CGNL1: variants seen among roughly 807,000 people sequenced by gnomAD.
The protein encoded by CGNL1 is cingulin-like protein 1.
CGNL1 carries 132 observed loss-of-function variants against 141.2 expected under a neutral mutation model. The ratio of observed to expected loss-of-function variants is 0.93; its 90% CI spans 0.81 to 1.08. The LOEUF (loss-of-function observed/expected upper bound fraction) is 1.08, where lower values mean the gene tolerates loss of function less well. Ranked by LOEUF, CGNL1 falls within the 50% of genes least tolerant of loss-of-function variation. CGNL1 has a pLI of 0.00. For missense variants in CGNL1, 1,870 were observed against 1,588.6 expected, an observed-to-expected ratio of 1.18 and a Z score of -3.01; for synonymous variants, 690 against 622.1, an observed-to-expected ratio of 1.11 and a Z score of -1.63.
intron 8 of CGNL1, among the ~76,000 whole-genome samples, chr15:57,482,643 T>G (rs2063739414): frequency 6.6e-6 from 1 of 152,240 alleles, no homozygotes; most frequent in Non-Finnish European, 1.5e-5. Context: ...TTGACCTGTG[T>G]GTCTATCCCT....
intron 6 of CGNL1, among the ~76,000 whole-genome samples, chr15:57,452,653 C>G (rs890912524): frequency 6.6e-6 from 1 of 151,822 alleles, no homozygotes; most frequent in Non-Finnish European, 1.5e-5. Flanking sequence ...ACGTGGCCCC[C>G]GTGAGCTCTC....
chr15:57,439,669 T>G, intron 2 of CGNL1, 68 bp downstream of exon 2: 1 of 1,457,832 alleles, frequency 6.9e-7, no homozygotes, highest in Admixed American at 1.9e-5. Flanking sequence ...GATGTACTTA[T>G]GCTGCAGGAG....
Position 57,434,512 on chromosome 15 carries a change from T to G in CGNL1, c.-15-3473T>G, listed in dbSNP as rs575338578. ...CATGAATTTCCAAATTGAAAGAATA[T>G]ATATATTATGTGCTCATGTTTTATA... On this transcript the variant is annotated intron_variant, in intron 1 of 18. Transcript: ENST00000281282. Among the ~76,000 whole-genome samples, 331 of 152,248 alleles carry G rather than the reference T, an allele frequency of 2.2e-3. 2 individuals are homozygous for G. Among genetic ancestry groups the G allele is most frequent in the Middle Eastern group, 0.017 (5 of 292 alleles).
At chr15:57,418,638 AC>A (rs1176038684) in intron 1 of CGNL1, among the ~76,000 whole-genome samples, 1 of 151,984 alleles carries the variant, frequency 6.6e-6, no homozygotes, top group Non-Finnish European at 1.5e-5. Context: ...TCATAATCAC[AC>A]CCTACCTTGT....
intron 8 of CGNL1, among the ~76,000 whole-genome samples, chr15:57,489,506 T>G (rs2063829281): frequency 6.6e-6 from 1 of 152,204 alleles, no homozygotes; most frequent in South Asian, 2.1e-4. Flanking sequence ...ACATGCAGAT[T>G]TAAGCTTTAC....
intron 1 of CGNL1, among the ~76,000 whole-genome samples, chr15:57,424,419 A>C (rs1332124757): frequency 6.6e-6 from 1 of 152,034 alleles, no homozygotes; most frequent in African/African-American, 2.4e-5. Context: ...CACTCTCCCT[A>C]CCAGAGTGTG....
intron 8 of CGNL1, among the ~76,000 whole-genome samples, chr15:57,470,835 G>A (rs2063572735): frequency 6.6e-6 from 1 of 152,120 alleles, no homozygotes; most frequent in African/African-American, 2.4e-5. Context: ...ATTAGGAGAG[G>A]TTTATTGCTT....
At chr15:57,420,739 G>T (rs1428772821) in intron 1 of CGNL1, among the ~76,000 whole-genome samples, 1 of 152,178 alleles carries the variant, frequency 6.6e-6, no homozygotes, top group African/African-American at 2.4e-5. Flanking sequence ...TTTTAATGCA[G>T]TTAGATTCTT....
At chr15:57,462,587 A>C (rs1235008063) in intron 8 of CGNL1, among the ~76,000 whole-genome samples, 1 of 152,018 alleles carries the variant, frequency 6.6e-6, no homozygotes, top group Non-Finnish European at 1.5e-5. Context: ...CAGATTATAA[A>C]ATTTTCAGAG....
intron 1 of CGNL1, among the ~76,000 whole-genome samples, chr15:57,392,839 T>A (rs1366899704): frequency 1.1e-4 from 16 of 152,178 alleles, no homozygotes. Context: ...CATTTTTTTT[T>A]AAAGGAAAAA....
In CGNL1 at chr15:57,548,700, A is replaced by G. The variant is rs2032987800; in HGVS notation, c.*1210A>G. 1 of 152,150 alleles carries G rather than the reference A, an allele frequency of 6.6e-6. No homozygotes were observed. Among genetic ancestry groups the G allele is most frequent in the Non-Finnish European group, 1.5e-5 (1 of 68,066 alleles). 9.4% of individuals were successfully genotyped at this position (152,150 alleles called of 1,614,324 possible). A position where few individuals can be genotyped will look rare whatever the true frequency, so the allele number is the denominator to read the frequency against. ...AACAAATGAGGCCGTTTCTGGAAGG[A>G]TAGGGCTGTGTGGTCATGTCCCACA... On this transcript the variant is annotated 3_prime_UTR_variant, in exon 19 of 19. Transcript: ENST00000281282.
chr15:57,444,909 G>A (rs540484463), intron 4 of CGNL1, among the ~76,000 whole-genome samples: 9 of 152,268 alleles, frequency 5.9e-5, no homozygotes, highest in Non-Finnish European at 1.3e-4. Context: ...GTTTGTGAAA[G>A]TTTATTCCTT....
chr15:57,383,298 T>TTTTTTTTTTG lies in CGNL1; in HGVS notation c.-16+6738_-16+6739insTTGTTTTTTT, dbSNP rs1555428834. On this transcript the variant is annotated intron_variant, in intron 1 of 18. Transcript: ENST00000281282. ...ACTTAAGATTTCTTTCTTCCTTTTT[T>TTTTTTTTTTG]TTTTTTTGTTTTTTTGATACAGAGT... Among the ~76,000 whole-genome samples, 524 of 141,650 alleles carry TTTTTTTTTTG rather than the reference T, an allele frequency of 3.7e-3. 1 individual carries two copies. The highest frequency in any genetic ancestry group is 5.9e-3 in the Non-Finnish European group (390 of 65,826). 92.9% of individuals were successfully genotyped at this position (141,650 alleles called of 152,430 possible).
rs563046720 is a variant in CGNL1, at chr15:57,411,429, TTTTC to T, written c.-15-26552_-15-26549del. On this transcript the variant is annotated intron_variant, in intron 1 of 18. Coordinates refer to ENST00000281282, the MANE Select transcript of CGNL1 (RefSeq NM_032866.5). ...CCATGCACTGTCCAGATGCCACTAG[TTTTC>T]TTTTTTTCTTTTTCTTTTTTTTTTT... Among the ~76,000 whole-genome samples the T allele has an allele frequency of 2.0e-5, 3 of 151,512 alleles. No individual in the cohort carries two copies. The South Asian group carries it at 6.2e-4, about 32-fold the overall frequency.
chr15:57,388,240 C>T (rs775469421), intron 1 of CGNL1, among the ~76,000 whole-genome samples: 4 of 151,958 alleles, frequency 2.6e-5, no homozygotes, highest in Non-Finnish European at 5.9e-5. Flanking sequence ...GAGTAGGCCC[C>T]GAGAAGAGGA....
chr15:57,547,648 C>G lies in CGNL1; in HGVS notation c.*158C>G. Reference sequence around the variant, plus strand: ...TCAGTGTTACATTCCTCGCCAGGGTCTCTCAGTGGGTCTTCGACAGAGAGC... The same window carrying G: ...TCAGTGTTACATTCCTCGCCAGGGTGTCTCAGTGGGTCTTCGACAGAGAGC... On this transcript the variant is annotated 3_prime_UTR_variant, in exon 19 of 19. Transcript: ENST00000281282. The G allele has an allele frequency of 1.2e-6, 1 of 807,566 alleles. No homozygotes were observed. Among genetic ancestry groups the G allele is most frequent in the Non-Finnish European group, 1.9e-6 (1 of 525,964 alleles). The allele number at this position is 807,566 out of a possible 1,614,324, so 50.0% of individuals were successfully genotyped here. A position where few individuals can be genotyped will look rare whatever the true frequency, so the allele number is the denominator to read the frequency against.
intron 8 of CGNL1, among the ~76,000 whole-genome samples, chr15:57,472,908 A>C (rs1194641858): frequency 6.6e-6 from 1 of 152,222 alleles, no homozygotes; most frequent in African/African-American, 2.4e-5. Flanking sequence ...GAATACATTT[A>C]AACACTTACA....
intron 8 of CGNL1, 131 bp from the exon 9 acceptor site, chr15:57,516,649 G>T: frequency 6.5e-6 from 6 of 924,522 alleles, no homozygotes; most frequent in Middle Eastern, 3.4e-4. Context: ...GTCGTTTGCC[G>T]ACCCCTGGCT....
chr15:57,383,973 G>A (rs1483291501), intron 1 of CGNL1, among the ~76,000 whole-genome samples: 2 of 148,624 alleles, frequency 1.3e-5, no homozygotes, highest in Non-Finnish European at 3.0e-5. Context: ...TGAGTTTCAG[G>A]TTTGGGGCTT....
Sources: gnomAD v4.1 joint callset for allele counts (sites outside exome capture counted in the v4.1 genomes callset) on GRCh38, gnomAD v4.1.1 for gene constraint, MANE v1.5 for transcripts, NCBI Gene and HGNC (gene_info 2026-07-23, HGNC 2026-07-21) for gene names.